NFYC: variants seen among roughly 807,000 people sequenced by gnomAD.
NFYC encodes CAAT box DNA-binding protein subunit C.
A neutral mutation model predicts 53.1 loss-of-function variants in NFYC; 25 were observed. The ratio of observed to expected loss-of-function variants is 0.47; its 90% CI spans 0.34 to 0.66. The LOEUF (loss-of-function observed/expected upper bound fraction) is 0.66, where lower values mean the gene tolerates loss of function less well. NFYC is among the 30% of genes least tolerant of loss of function. NFYC has a pLI of 0.01. For missense variants in NFYC, 260 were observed against 422.7 expected (o/e 0.62, Z 3.38); for synonymous variants, 145 against 152.6 (o/e 0.95, Z 0.37).
rs1350115716 is a variant in NFYC at position 40,738,696 on chromosome 1, T to C, written c.-8-140T>C. 8.2e-6 allele frequency: 5 copies of C among 607,472 alleles called. No individual in the cohort carries two copies. The African/African-American group carries it at 9.3e-5, about 11-fold the overall frequency. The allele number at this position is 607,472 out of a possible 1,614,324, so 37.6% of individuals were successfully genotyped here. ...AGATGTAAGTCTGTGTTAAAATCTT[T>C]TTAGCGTAATTATATACCTTATCAA... is the stretch of plus-strand genomic sequence containing the variant. On this transcript the variant is annotated intron_variant, in intron 1 of 9. Transcript: ENST00000447388.
intron 1 of NFYC, among the ~76,000 whole-genome samples, chr1:40,695,005 C>T (rs1643047994): frequency 6.6e-6 from 1 of 152,152 alleles, no homozygotes; most frequent in African/African-American, 2.4e-5. Context: ...CTAATCCCAG[C>T]GTTTTGGGAG....
At chr1:40,765,484 G>C (rs1036642833) in intron 7 of NFYC, among the ~76,000 whole-genome samples, 3 of 152,176 alleles carry the variant, frequency 2.0e-5, no homozygotes, top group African/African-American at 7.2e-5. Flanking sequence ...TTTTCCTCAT[G>C]GAAGAGTCCT....
chr1:40,703,863 T>C (rs528771951), intron 1 of NFYC, among the ~76,000 whole-genome samples: 1 of 152,304 alleles, frequency 6.6e-6, no homozygotes, highest in Non-Finnish European at 1.5e-5. Context: ...GCCTCAACAC[T>C]CCTGTTAGTT....
intron 1 of NFYC, among the ~76,000 whole-genome samples, chr1:40,720,280 G>C (rs1010582742): frequency 2.0e-5 from 3 of 152,098 alleles, no homozygotes; most frequent in Non-Finnish European, 4.4e-5. Flanking sequence ...TTATTATAAC[G>C]CCCTCTAGGT....
At chr1:40,737,993 C>T (rs921676780) in intron 1 of NFYC, among the ~76,000 whole-genome samples, 1 of 150,546 alleles carries the variant, frequency 6.6e-6, no homozygotes, top group African/African-American at 2.4e-5. Flanking sequence ...AGCTCCGCCT[C>T]CCGGGTTCAC....
Position 40,770,536 on chromosome 1 carries a change from C to A in NFYC, c.889-173C>A. 6.4e-7 allele frequency: 1 copy of A among 1,569,602 alleles called. No individual in the cohort carries two copies. The highest frequency in any genetic ancestry group is 8.6e-7 in the Non-Finnish European group (1 of 1,157,226). ...CCCCCCTCACACCGGGCTGGTGCCT[C>A]CTGTGTCTGCTGCTCCCAACCCCAG... On this transcript the variant is annotated intron_variant, in intron 9 of 9. Transcript: ENST00000447388. The surrounding 1 kb of genome is among the most constrained non-coding windows in gnomAD (Gnocchi z 5.3).
chr1:40,731,480 T>C (rs1644767614), intron 1 of NFYC, among the ~76,000 whole-genome samples: 1 of 151,126 alleles, frequency 6.6e-6, no homozygotes, highest in Admixed American at 6.6e-5. Flanking sequence ...GCCTTTCTTT[T>C]TCTTTTTCTT....
chr1:40,701,779 T>C (rs1195382244), intron 1 of NFYC, among the ~76,000 whole-genome samples: 1 of 152,230 alleles, frequency 6.6e-6, no homozygotes, highest in Non-Finnish European at 1.5e-5. Context: ...GCTATGCTTA[T>C]AATTTAAGTA....
At chr1:40,735,777 A>T (rs1200680712) in intron 1 of NFYC, 4 of 982,940 alleles carry the variant, frequency 4.1e-6, no homozygotes, top group Admixed American at 1.2e-4. Context: ...GCTTTTTGAT[A>T]ATTATTATTA....
At chr1:40,733,594 G>C (rs138309957) in intron 1 of NFYC, among the ~76,000 whole-genome samples, 4 of 150,960 alleles carry the variant, frequency 2.6e-5, no homozygotes, top group Non-Finnish European at 5.9e-5. Context: ...TTTGAGGCAG[G>C]GTCTCCCTCT....
At chr1:40,732,263 T>A (rs1644809698) in intron 1 of NFYC, among the ~76,000 whole-genome samples, 1 of 152,244 alleles carries the variant, frequency 6.6e-6, no homozygotes, top group South Asian at 2.1e-4. Flanking sequence ...TGAACTGAAG[T>A]CTAAAGGTCC....
intron 1 of NFYC, among the ~76,000 whole-genome samples, chr1:40,728,442 C>T (rs529549254): frequency 1.3e-5 from 2 of 151,890 alleles, no homozygotes; most frequent in South Asian, 4.2e-4. Flanking sequence ...ACTAAAATTA[C>T]AAAAATTAGC....
chr1:40,766,718 G>T lies in NFYC; in HGVS notation c.828+15G>T, dbSNP rs777094106. 6.2e-7 allele frequency: 1 copy of T among 1,609,690 alleles called. No homozygotes were observed. Among genetic ancestry groups the T allele is most frequent in the East Asian group, 2.2e-5 (1 of 44,858 alleles). ...ATGCTCAACAGGTATGTGCCCCAGA[G>T]ACACAAGGCCTGTGTTGGAGACCAG... On this transcript the variant is annotated intron_variant, in intron 8 of 9. Coordinates refer to ENST00000447388, the MANE Select transcript of NFYC (RefSeq NM_014223.5).
At chr1:40,737,824 A>G (rs886128193) in intron 1 of NFYC, among the ~76,000 whole-genome samples, 8 of 152,118 alleles carry the variant, frequency 5.3e-5, no homozygotes, top group Admixed American at 1.3e-4. Flanking sequence ...ATTAGAAGGA[A>G]TAATCATCAT....
At chr1:40,721,505 G>A (rs1393002468) in intron 1 of NFYC, 1 of 152,040 alleles carries the variant, frequency 6.6e-6, no homozygotes, top group Non-Finnish European at 1.5e-5. Flanking sequence ...AAACAGGCAC[G>A]TACTCCTAGC....
intron 6 of NFYC, chr1:40,758,507 A>G (rs796230242): frequency 1.1e-5 from 6 of 556,654 alleles, no homozygotes; most frequent in Non-Finnish European, 1.9e-5. Flanking sequence ...TCAAATGAGG[A>G]AAGTGTACTA....
intron 1 of NFYC, among the ~76,000 whole-genome samples, chr1:40,727,881 G>T (rs1168797674): frequency 1.3e-5 from 2 of 150,172 alleles, no homozygotes; most frequent in Non-Finnish European, 3.0e-5. Flanking sequence ...TGTCTAGAAG[G>T]TTTTCAGTTT....
At chr1:40,764,395 A>G (rs898740189) in intron 7 of NFYC, among the ~76,000 whole-genome samples, 16 of 152,120 alleles carry the variant, frequency 1.1e-4, no homozygotes, top group African/African-American at 2.2e-4. Flanking sequence ...CTCTTTCTCT[A>G]CCTCTCTCAC....
intron 1 of NFYC, among the ~76,000 whole-genome samples, chr1:40,708,752 C>G (rs1643838591): frequency 6.6e-6 from 1 of 152,208 alleles, no homozygotes; most frequent in South Asian, 2.1e-4. Context: ...TGGCATCACT[C>G]TGTTAGTGTT....
Sources: allele counts gnomAD v4.1 joint callset (sites outside exome capture counted in the v4.1 genomes callset), GRCh38; gene constraint gnomAD v4.1.1; non-coding constraint Gnocchi (gnomAD v3.1); transcripts MANE v1.5; gene names NCBI Gene and HGNC (gene_info 2026-07-23, HGNC 2026-07-21).